The following MAP3K2 variants were observed in gnomAD, a reference collection of about 807,000 sequenced individuals.
MAP3K2 encodes mitogen-activated protein kinase kinase kinase 2.
MAP3K2 carries 24 observed loss-of-function variants against 80.3 expected under a neutral mutation model. The ratio of observed to expected loss-of-function variants is 0.30; its 90% CI spans 0.22 to 0.42. The LOEUF (loss-of-function observed/expected upper bound fraction) is 0.42, where lower values mean the gene tolerates loss of function less well. Among genes scored for constraint, MAP3K2 ranks in the 10% least tolerant of loss-of-function variants. The pLI, the probability that MAP3K2 is intolerant of heterozygous loss-of-function variation, is 1.00. For synonymous variants in MAP3K2, 244 were observed against 253.7 expected (o/e 0.96, Z 0.36); for missense variants, 608 against 750.1 (o/e 0.81, Z 2.21).
chr2:127,379,339 C>G (rs1328180297), intron 1 of MAP3K2, among the ~76,000 whole-genome samples: 1 of 152,066 alleles, frequency 6.6e-6, no homozygotes, highest in Non-Finnish European at 1.5e-5. Flanking sequence ...ATGCTAGGCA[C>G]CGTCCTAAAC....
chr2:127,330,470 G>C lies in MAP3K2; in HGVS notation c.300C>G (p.Asp100Glu). ...TACGATCCAGCAGTTCCACAGCTTT[G>C]TCCAAGTCATCTTGAGTAGTTAATG... ...VIPLTTQDDL[D>E]KAVELLDRSI... Residue 100 changes from aspartate (D) to glutamate (E), a missense_variant, in exon 6 of 17, where the codon GAC (aspartate) becomes GAG (glutamate). Physicochemically the swap from Asp to Glu is conservative, Grantham distance 45. Transcript: ENST00000682094. 1 of 1,607,660 alleles carries C rather than the reference G, an allele frequency of 6.2e-7. No individual in the cohort carries two copies.
At chr2:127,309,096 GC>G (rs1371783744) in intron 15 of MAP3K2, among the ~76,000 whole-genome samples, 2 of 152,182 alleles carry the variant, frequency 1.3e-5, no homozygotes, top group Admixed American at 6.5e-5. Context: ...GACCAAGAAA[GC>G]CCCCAGTTTC....
chr2:127,374,829 ATGG>A (rs1315296570), intron 1 of MAP3K2, among the ~76,000 whole-genome samples: 1 of 152,224 alleles, frequency 6.6e-6, no homozygotes, highest in East Asian at 1.9e-4. Context: ...TTTGTCACAC[ATGG>A]AACATCCAAC....
chr2:127,354,355 C>T (rs1686761772), intron 1 of MAP3K2, among the ~76,000 whole-genome samples: 2 of 151,354 alleles, frequency 1.3e-5, no homozygotes, highest in South Asian at 2.1e-4. Flanking sequence ...ATTTGGTAAC[C>T]CCTTGTATTT....
At chr2:127,350,529 G>T (rs916023068) in intron 1 of MAP3K2, among the ~76,000 whole-genome samples, 1 of 151,136 alleles carries the variant, frequency 6.6e-6, no homozygotes, top group Non-Finnish European at 1.5e-5. Flanking sequence ...TCAACAATGG[G>T]AGGAAGAGAA....
At chr2:127,383,744 G>A (rs4662725) in intron 1 of MAP3K2, among the ~76,000 whole-genome samples, 53,403 of 152,044 alleles carry the variant, frequency 0.35, 10,162 homozygotes, top group East Asian at 0.62. Flanking sequence ...ACCATCTGAG[G>A]CAAAGAGTTT....
rs1422004703 is a variant in MAP3K2 at position 127,307,543 on chromosome 2, G to T, written c.*36C>A. 7.3e-7 allele frequency: 1 copy of T among 1,377,574 alleles called. No individual in the cohort carries two copies. Among genetic ancestry groups the T allele is most frequent in the East Asian group, 2.5e-5 (1 of 39,680 alleles). The allele number at this position is 1,377,574 out of a possible 1,614,324, so 85.3% of individuals were successfully genotyped here. On this transcript the variant is annotated 3_prime_UTR_variant, in exon 17 of 17. Transcript: ENST00000682094. The surrounding 1 kb of genome is among the most constrained non-coding windows in gnomAD (Gnocchi z 5.4). ...CAGAGAGAAGGTGAATGAATAGATG[G>T]GAGCTAGGTAGAGGCACAGGAGAGG...
intron 9 of MAP3K2, among the ~76,000 whole-genome samples, chr2:127,325,191 A>C (rs1686107632): frequency 6.6e-6 from 1 of 152,202 alleles, no homozygotes; most frequent in Non-Finnish European, 1.5e-5. Context: ...TCAAACTATT[A>C]TAATCAGATT....
At chr2:127,345,083 G>A (rs928241983) in intron 1 of MAP3K2, among the ~76,000 whole-genome samples, 19 of 152,120 alleles carry the variant, frequency 1.2e-4, no homozygotes, top group African/African-American at 4.3e-4. Context: ...CAAGCTCCTG[G>A]GCTAAAGTGA....
At chr2:127,358,816 C>G (rs1399359743) in intron 1 of MAP3K2, among the ~76,000 whole-genome samples, 2 of 151,988 alleles carry the variant, frequency 1.3e-5, no homozygotes, top group African/African-American at 4.8e-5. Flanking sequence ...CTTGTCCCAG[C>G]TACTTGACTG....
intron 1 of MAP3K2, among the ~76,000 whole-genome samples, chr2:127,373,274 A>G (rs1319926784): frequency 7.9e-5 from 12 of 152,234 alleles, no homozygotes; most frequent in Non-Finnish European, 1.8e-4. Context: ...TTAAGGTTAT[A>G]TAACTCTGTA....
upstream of MAP3K2, chr2:127,388,213 G>A (rs905778639): frequency 7.5e-5 from 74 of 985,318 alleles, no homozygotes; most frequent in African/African-American, 1.1e-3. Flanking sequence ...CCCCGGGGCA[G>A]CCTGTGCTGT....
intron 1 of MAP3K2, among the ~76,000 whole-genome samples, chr2:127,380,086 C>A (rs967149618): frequency 2.6e-5 from 4 of 152,174 alleles, no homozygotes; most frequent in Non-Finnish European, 5.9e-5. Context: ...TTCTGTAAAT[C>A]ATCAATGATT....
chr2:127,369,104 C>T (rs1263298970), intron 1 of MAP3K2, among the ~76,000 whole-genome samples: 11 of 44,364 alleles, frequency 2.5e-4, no homozygotes, highest in African/African-American at 6.4e-4. Context: ...CGCATCACCA[C>T]GCCCAGCTAT....
chr2:127,335,812 A>C, intron 5 of MAP3K2, 58 bp downstream of exon 5: 1 of 928,792 alleles, frequency 1.1e-6, no homozygotes, highest in South Asian at 1.6e-5. Flanking sequence ...GCAGTCTCTT[A>C]AACGAACACA....
Position 127,366,990 on chromosome 2 carries a change from C to G in MAP3K2, c.-66+20462G>C, listed in dbSNP as rs144682324. ...GATTCAAGCCAATCTCCCGCCTCAGCCTCCCGAGTAGCTGGGATTACAGGC... is the reference window on the plus strand; with the variant it reads ...GATTCAAGCCAATCTCCCGCCTCAGGCTCCCGAGTAGCTGGGATTACAGGC... On this transcript the variant is annotated intron_variant, in intron 1 of 16. Transcript: ENST00000682094. Among the ~76,000 whole-genome samples, 468 of 151,326 alleles carry G rather than the reference C, an allele frequency of 3.1e-3. 3 individuals carry two copies. Among genetic ancestry groups the G allele is most frequent in the African/African-American group, 0.011 (443 of 41,314 alleles).
intron 5 of MAP3K2, among the ~76,000 whole-genome samples, chr2:127,331,274 C>G (rs58877895): frequency 0.063 from 9,500 of 151,972 alleles, 389 homozygotes; most frequent in African/African-American, 0.11. Flanking sequence ...AATTTAGTAA[C>G]TTAAGAAGAC....
intron 1 of MAP3K2, among the ~76,000 whole-genome samples, chr2:127,382,831 C>T (rs1188743022): frequency 6.6e-6 from 1 of 152,164 alleles, no homozygotes; most frequent in African/African-American, 2.4e-5. Flanking sequence ...CAGCAGATGT[C>T]GGTATATTGA....
chr2:127,318,332 T>G lies in MAP3K2; in HGVS notation c.1046-15A>C. 1 of 1,559,118 alleles carries G rather than the reference T, an allele frequency of 6.4e-7. No individual in the cohort carries two copies. Among genetic ancestry groups the G allele is most frequent in the Non-Finnish European group, 8.7e-7 (1 of 1,155,888 alleles). ...AGCTCGAGGTGCTGAAAAAGAACAC[T>G]TTCTTAAAGTGAAATATCAAACAGC... On this transcript the variant is annotated splice_polypyrimidine_tract_variant and intron_variant, in intron 12 of 16. Coordinates refer to ENST00000682094, the MANE Select transcript of MAP3K2 (RefSeq NM_001371910.2).
Sources: allele counts gnomAD v4.1 joint callset (sites outside exome capture counted in the v4.1 genomes callset), GRCh38; gene constraint gnomAD v4.1.1; non-coding constraint Gnocchi (gnomAD v3.1); transcripts MANE v1.5; gene names NCBI Gene and HGNC (gene_info 2026-07-23, HGNC 2026-07-21).